RBFOX1: variants seen among roughly 807,000 people sequenced by gnomAD.
RBFOX1 encodes RNA binding protein fox-1 homolog 1.
Under a neutral mutation model 57.7 loss-of-function variants are expected in RBFOX1, and 8 were observed. The observed-to-expected ratio is 0.14, with a 90% CI of 0.08 to 0.25. The LOEUF is 0.25. Among genes scored for constraint, RBFOX1 ranks in the 10% least tolerant of loss-of-function variants. RBFOX1 has a pLI of 1.00. For missense variants in RBFOX1, 611 were observed against 548.5 expected (o/e 1.11, Z -1.14); for synonymous variants, 326 against 222.4 (o/e 1.47, Z -4.15).
intron 4 of RBFOX1, among the ~76,000 whole-genome samples, chr16:7,167,132 C>A (rs1030991762): frequency 1.3e-5 from 2 of 151,112 alleles, no homozygotes; most frequent in Admixed American, 6.6e-5. Context: ...ACTACAGGTG[C>A]CTGTCATCAT....
At chr16:6,270,224 C>G (rs1203526913) in intron 1 of RBFOX1, among the ~76,000 whole-genome samples, 1 of 151,810 alleles carries the variant, frequency 6.6e-6, no homozygotes, top group Non-Finnish European at 1.5e-5. Flanking sequence ...CAAAATTAAG[C>G]ACTAACATAC....
In RBFOX1 at chr16:7,265,964, G is replaced by GTTT. The variant is rs1204871254; in HGVS notation, c.27+213890_27+213892dup. 1.4e-3 allele frequency among the ~76,000 whole-genome samples: 97 copies of GTTT among 70,250 alleles called. 1 individual carries two copies. Among genetic ancestry groups the GTTT allele is most frequent in the African/African-American group, 2.3e-3 (35 of 15,442 alleles). 46.1% of individuals were successfully genotyped at this position (70,250 alleles called of 152,430 possible). On this transcript the variant is annotated intron_variant, in intron 4 of 15. Coordinates refer to ENST00000550418, the MANE Select transcript of RBFOX1 (RefSeq NM_018723.4). Reference sequence around the variant, plus strand: ...GAGTTATGAGATCTGGTGGGTTTTTGTTTTTTTTTTTTTTTTTTTTTTTTT... The same window carrying GTTT: ...GAGTTATGAGATCTGGTGGGTTTTTGTTTTTTTTTTTTTTTTTTTTTTTTTTTT...
intron 3 of RBFOX1, among the ~76,000 whole-genome samples, chr16:5,846,624 A>G (rs767627745): frequency 7.2e-5 from 11 of 152,154 alleles, no homozygotes; most frequent in Non-Finnish European, 1.3e-4. Context: ...GTCCCAAGGA[A>G]CAGCAAGACC....
chr16:6,909,234 A>G (rs545368083), intron 3 of RBFOX1, among the ~76,000 whole-genome samples: 3 of 152,140 alleles, frequency 2.0e-5, no homozygotes, highest in Non-Finnish European at 2.9e-5. Flanking sequence ...CCCAGATTAC[A>G]TGGCTCATGG....
At chr16:6,068,918 T>A (rs1370224585) in intron 1 of RBFOX1, among the ~76,000 whole-genome samples, 1 of 152,134 alleles carries the variant, frequency 6.6e-6, no homozygotes, top group African/African-American at 2.4e-5. Context: ...ATTCCGACAC[T>A]CAGTTTGGCC....
intron 4 of RBFOX1, among the ~76,000 whole-genome samples, chr16:7,181,212 G>C (rs1032965598): frequency 2.6e-5 from 4 of 151,892 alleles, no homozygotes; most frequent in Non-Finnish European, 5.9e-5. Flanking sequence ...AATCTCTCTA[G>C]ATGTTAAATA....
chr16:6,628,773 A>ACCT (rs2098343317), intron 2 of RBFOX1, among the ~76,000 whole-genome samples: 1 of 152,242 alleles, frequency 6.6e-6, no homozygotes, highest in African/African-American at 2.4e-5. Context: ...GTGAAGATAT[A>ACCT]GAACTGTCAT....
intron 2 of RBFOX1, among the ~76,000 whole-genome samples, chr16:6,537,487 G>A (rs2096751318): frequency 6.6e-6 from 1 of 152,184 alleles, no homozygotes; most frequent in South Asian, 2.1e-4. Flanking sequence ...TGACAGAGTT[G>A]AGGGGCTATA....
At chr16:7,243,643 GC>G (rs1369224661) in intron 4 of RBFOX1, among the ~76,000 whole-genome samples, 1 of 152,074 alleles carries the variant, frequency 6.6e-6, no homozygotes. Flanking sequence ...AAATTCTGGG[GC>G]TCAAGTGATC....
intron 3 of RBFOX1, among the ~76,000 whole-genome samples, chr16:6,797,881 C>G (rs1186254769): frequency 6.6e-6 from 1 of 152,136 alleles, no homozygotes; most frequent in African/African-American, 2.4e-5. Context: ...TAACTGGTAG[C>G]TAGCTGACTT....
intron 3 of RBFOX1, among the ~76,000 whole-genome samples, chr16:6,778,724 C>G (rs929015490): frequency 6.6e-6 from 1 of 151,954 alleles, no homozygotes; most frequent in Non-Finnish European, 1.5e-5. Flanking sequence ...ACTAGATTGT[C>G]TTCCTGAGTC....
chr16:6,699,680 A>G (rs960883207), intron 3 of RBFOX1, among the ~76,000 whole-genome samples: 1 of 152,156 alleles, frequency 6.6e-6, no homozygotes, highest in Non-Finnish European at 1.5e-5. Flanking sequence ...GATGATGGAC[A>G]AGGCATTGGG....
At chr16:5,978,917 A>G (rs912685193) in intron 4 of RBFOX1, among the ~76,000 whole-genome samples, 1 of 152,170 alleles carries the variant, frequency 6.6e-6, no homozygotes, top group African/African-American at 2.4e-5. Flanking sequence ...GGTGGCTGCC[A>G]GCTTCTCCAT....
intron 4 of RBFOX1, among the ~76,000 whole-genome samples, chr16:7,225,164 T>G (rs953544208): frequency 1.3e-5 from 2 of 152,192 alleles, no homozygotes; most frequent in Non-Finnish European, 2.9e-5. Flanking sequence ...ATGGTCACCC[T>G]AGGACAGGAA....
At chr16:7,307,519 G>C (rs891734892) in intron 4 of RBFOX1, among the ~76,000 whole-genome samples, 1 of 152,174 alleles carries the variant, frequency 6.6e-6, no homozygotes, top group African/African-American at 2.4e-5. Context: ...GACTTATCCT[G>C]TTTCACTTAT....
chr16:5,505,335 C>T (rs1205067950), intron 2 of RBFOX1, among the ~76,000 whole-genome samples: 1 of 152,168 alleles, frequency 6.6e-6, no homozygotes, highest in South Asian at 2.1e-4. Context: ...CTGCTTGGTG[C>T]CTGTCGTCTT....
At chr16:7,537,755 G>C (rs1034640952) in intron 5 of RBFOX1, among the ~76,000 whole-genome samples, 1 of 152,198 alleles carries the variant, frequency 6.6e-6, no homozygotes, top group Non-Finnish European at 1.5e-5. Context: ...GCAGGAGCCA[G>C]AGACTAAGCA....
intron 4 of RBFOX1, among the ~76,000 whole-genome samples, chr16:7,301,484 G>A (rs1401574143): frequency 1.3e-5 from 2 of 152,230 alleles, no homozygotes; most frequent in Non-Finnish European, 2.9e-5. Context: ...GTTATTGCAA[G>A]ATGGATCTGT....
intron 4 of RBFOX1, among the ~76,000 whole-genome samples, chr16:7,463,306 C>G (rs140666246): frequency 3.7e-3 from 569 of 152,108 alleles, no homozygotes; most frequent in Middle Eastern, 0.01. Context: ...GAGTTCAAGA[C>G]CAGCATGGGC....
Sources: gnomAD v4.1 joint callset for allele counts (sites outside exome capture counted in the v4.1 genomes callset) on GRCh38, gnomAD v4.1.1 for gene constraint, MANE v1.5 for transcripts, NCBI Gene and HGNC (gene_info 2026-07-23, HGNC 2026-07-21) for gene names.